BTBD9: variants seen among roughly 807,000 people sequenced by gnomAD.
BTBD9 encodes BTB domain containing 9, also known as BTB/POZ domain-containing protein 9.
In BTBD9, 49 loss-of-function variants were observed where a neutral mutation model predicts 64.3. That is an observed-to-expected ratio of 0.76 (90% confidence interval 0.61 to 0.97). The LOEUF (loss-of-function observed/expected upper bound fraction) is 0.97, where lower values mean the gene tolerates loss of function less well. Ranked by LOEUF, BTBD9 falls within the 50% of genes least tolerant of loss-of-function variation. The pLI is 0.00. For missense variants in BTBD9, 598 were observed against 762.1 expected, an observed-to-expected ratio of 0.78 and a Z score of 2.53; for synonymous variants, 260 against 274.7, an observed-to-expected ratio of 0.95 and a Z score of 0.53.
intron 6 of BTBD9, among the ~76,000 whole-genome samples, chr6:38,414,969 G>A (rs1428914537): frequency 6.6e-6 from 1 of 152,054 alleles, no homozygotes; most frequent in African/African-American, 2.4e-5. Flanking sequence ...TTGCCTACTA[G>A]ACACTTCCCC....
At position 38,178,502 on chromosome 6, in the gene BTBD9, C is replaced by A. The variant is rs1761385206; in HGVS notation, c.1642-3320G>T. ...AGGGTGTACGGTCCAGTGAGGCCAG[C>A]AGACACATAAGCCAGGGAGAAGGAG... is the stretch of plus-strand genomic sequence containing the variant. On this transcript the variant is annotated intron_variant, in intron 10 of 10. Coordinates refer to ENST00000481247, the MANE Select transcript of BTBD9 (RefSeq NM_001099272.2). 2.6e-5 allele frequency among the ~76,000 whole-genome samples: 4 copies of A among 152,144 alleles called. No individual in the cohort carries two copies. The South Asian group carries it at 8.3e-4, about 32-fold the overall frequency.
intron 7 of BTBD9, among the ~76,000 whole-genome samples, chr6:38,328,612 T>TGTGTGTGTGTGTGTGTGTG (rs59797302): frequency 2.2e-5 from 3 of 134,644 alleles, no homozygotes; most frequent in East Asian, 4.7e-4. Flanking sequence ...TGTGTGTGTG[T>TGTGTGTGTGTGTGTGTGTG]TTTATGGCTG....
intron 6 of BTBD9, among the ~76,000 whole-genome samples, chr6:38,405,587 T>C (rs1767125829): frequency 6.6e-6 from 1 of 152,134 alleles, no homozygotes; most frequent in African/African-American, 2.4e-5. Flanking sequence ...TTAATCATTT[T>C]ATTGGTTCTG....
chr6:38,222,502 G>A (rs1039653212), intron 9 of BTBD9, among the ~76,000 whole-genome samples: 9 of 151,876 alleles, frequency 5.9e-5, no homozygotes, highest in Non-Finnish European at 1.2e-4. Flanking sequence ...CTCGTGATCC[G>A]CCCGCCTTGG....
intron 9 of BTBD9, among the ~76,000 whole-genome samples, chr6:38,231,276 T>C (rs749324898): frequency 2.6e-5 from 4 of 152,208 alleles, no homozygotes; most frequent in Admixed American, 6.5e-5. Context: ...CAGACAATAA[T>C]TGGTAGTAGA....
chr6:38,265,649 C>G (rs1303220332), intron 8 of BTBD9, among the ~76,000 whole-genome samples: 1 of 152,088 alleles, frequency 6.6e-6, no homozygotes, highest in Non-Finnish European at 1.5e-5. Flanking sequence ...TCCCAAGTAG[C>G]TGAGACTACA....
intron 6 of BTBD9, among the ~76,000 whole-genome samples, chr6:38,435,722 G>A (rs1176387670): frequency 1.3e-5 from 2 of 149,462 alleles, no homozygotes; most frequent in African/African-American, 2.5e-5. Context: ...AGGCCGGAGT[G>A]CAGTGGCGTG....
At chr6:38,292,128 A>AT (rs532565124) in intron 7 of BTBD9, among the ~76,000 whole-genome samples, 71 of 151,704 alleles carry the variant, frequency 4.7e-4, no homozygotes, top group Admixed American at 1.8e-3. Flanking sequence ...CACCTGGCTA[A>AT]TTTTTTTGTA....
chr6:38,287,144 A>G (rs1210719044), intron 8 of BTBD9, among the ~76,000 whole-genome samples: 2 of 148,220 alleles, frequency 1.3e-5, no homozygotes, highest in Non-Finnish European at 3.0e-5. Flanking sequence ...ACACACACAC[A>G]TATAGCAGCC....
At chr6:38,406,129 G>A (rs1240648704) in intron 6 of BTBD9, among the ~76,000 whole-genome samples, 8 of 152,140 alleles carry the variant, frequency 5.3e-5, no homozygotes, top group Non-Finnish European at 1.2e-4. Flanking sequence ...TAGGTAAAAG[G>A]CAAGGGAAGA....
chr6:38,507,027 G>A (rs544465151), intron 6 of BTBD9, among the ~76,000 whole-genome samples: 2 of 152,018 alleles, frequency 1.3e-5, no homozygotes, highest in South Asian at 4.2e-4. Context: ...TGCACTTGAC[G>A]CTCTCTCTGC....
intron 7 of BTBD9, among the ~76,000 whole-genome samples, chr6:38,311,909 T>G (rs1332731476): frequency 6.6e-6 from 1 of 152,168 alleles, no homozygotes; most frequent in African/African-American, 2.4e-5. Flanking sequence ...TCGCCCAGGC[T>G]GGAGTGCGGT....
intron 10 of BTBD9, chr6:38,179,658 A>G (rs892462896): frequency 2.2e-6 from 1 of 456,670 alleles, no homozygotes; most frequent in Non-Finnish European, 4.4e-6. Context: ...TCTTCTGCAA[A>G]TGGCGAGTGG....
At chr6:38,559,731 T>C (rs558950474) in intron 6 of BTBD9, among the ~76,000 whole-genome samples, 12 of 152,178 alleles carry the variant, frequency 7.9e-5, no homozygotes, top group African/African-American at 2.2e-4. Flanking sequence ...AAAACAGACA[T>C]GTAGCTCAAT....
chr6:38,456,174 C>G (rs1424550668), intron 6 of BTBD9, among the ~76,000 whole-genome samples: 4 of 148,692 alleles, frequency 2.7e-5, no homozygotes, highest in African/African-American at 1.0e-4. Flanking sequence ...CTTTAGTAGA[C>G]AGGAGGTTTC....
At chr6:38,417,402 C>T (rs1767714790) in intron 6 of BTBD9, among the ~76,000 whole-genome samples, 1 of 152,178 alleles carries the variant, frequency 6.6e-6, no homozygotes, top group African/African-American at 2.4e-5. Flanking sequence ...TTTTTAAATC[C>T]ATATCCTTGC....
At chr6:38,227,503 A>G (rs4714132) in intron 9 of BTBD9, among the ~76,000 whole-genome samples, 124,913 of 152,188 alleles carry the variant, frequency 0.82, 51,391 homozygotes, top group East Asian at 0.97. Context: ...TACTGTCCCT[A>G]TCCCTTCCGC....
intron 6 of BTBD9, among the ~76,000 whole-genome samples, chr6:38,524,635 T>C (rs1202236174): frequency 8.3e-6 from 1 of 120,910 alleles, no homozygotes; most frequent in East Asian, 2.9e-4. Context: ...CATAGGGTTA[T>C]TTAGTTCTAT....
intron 1 of BTBD9, among the ~76,000 whole-genome samples, chr6:38,629,863 C>G (rs566471961): frequency 6.6e-6 from 1 of 151,858 alleles, no homozygotes; most frequent in East Asian, 1.9e-4. Flanking sequence ...TGGCCTAAAC[C>G]CTTATATAAT....
Sources: gnomAD v4.1 joint callset for allele counts (sites outside exome capture counted in the v4.1 genomes callset) on GRCh38, gnomAD v4.1.1 for gene constraint, MANE v1.5 for transcripts, NCBI Gene and HGNC (gene_info 2026-07-23, HGNC 2026-07-21) for gene names.